The following ARIH1 variants were observed in gnomAD, a reference collection of about 807,000 sequenced individuals.
The protein encoded by ARIH1 is ariadne RBR E3 ubiquitin protein ligase 1, also known as E3 ubiquitin-protein ligase ARIH1.
In ARIH1, 8 loss-of-function variants were observed where a neutral mutation model predicts 85.0. The ratio of observed to expected loss-of-function variants is 0.09; its 90% CI spans 0.06 to 0.17. ARIH1 has a LOEUF of 0.17. Ranked by LOEUF, ARIH1 falls within the 10% of genes least tolerant of loss-of-function variation. ARIH1 has a pLI of 1.00. For missense variants in ARIH1, 311 were observed against 718.1 expected (o/e 0.43, Z 6.48); for synonymous variants, 238 against 253.6 (o/e 0.94, Z 0.59).
At chr15:72,532,298 C>G (rs952763535) in intron 2 of ARIH1, among the ~76,000 whole-genome samples, 1 of 151,198 alleles carries the variant, frequency 6.6e-6, no homozygotes, top group African/African-American at 2.4e-5. Context: ...AAAAAAAACT[C>G]TTAAAATTAT....
At chr15:72,515,331 C>T (rs761115508) in intron 1 of ARIH1, among the ~76,000 whole-genome samples, 1 of 151,932 alleles carries the variant, frequency 6.6e-6, no homozygotes, top group South Asian at 2.1e-4. Flanking sequence ...AGTGGAACTA[C>T]GTCTCGAAAA....
intron 1 of ARIH1, among the ~76,000 whole-genome samples, chr15:72,500,260 A>C (rs1157702192): frequency 6.6e-6 from 1 of 151,982 alleles, no homozygotes; most frequent in Non-Finnish European, 1.5e-5. Flanking sequence ...ACGCCCAGCT[A>C]ATTTTTGTAT....
At chr15:72,534,959 C>CTTTTTTTTTTTTTTTTT (rs59841210) in intron 2 of ARIH1, among the ~76,000 whole-genome samples, 6,309 of 73,398 alleles carry the variant, frequency 0.086, 2,461 homozygotes, top group Non-Finnish European at 0.16. Context: ...TGTCTGTATT[C>CTTTTTTTTTTTTTTTTT]TTTTTTTTTT....
chr15:72,594,154 C>CT lies in ARIH1; in HGVS notation c.*10866dup. 1 of 149,892 alleles carries CT rather than the reference C, an allele frequency of 6.7e-6. No homozygotes were observed. The highest frequency in any genetic ancestry group is 2.4e-5 in the African/African-American group (1 of 40,928). The allele number at this position is 149,892 out of a possible 1,614,324, so 9.3% of individuals were successfully genotyped here. ...TGATTTTTAAAATATTTTTGATTTT[C>CT]TTTTCTTTTTCTTTTTTTCTTTTTT... On this transcript the variant is annotated 3_prime_UTR_variant, in exon 14 of 14. Transcript: ENST00000379887.
chr15:72,580,704 A>ATC (rs1300997507), intron 11 of ARIH1, 27 bp from the exon 12 acceptor site: 18 of 1,588,088 alleles, frequency 1.1e-5, no homozygotes, highest in Non-Finnish European at 1.5e-5. Context: ...TTATAATTAT[A>ATC]TCACCCAATT....
rs143996646 is a variant in ARIH1, at chr15:72,486,193, T to C, written c.375+11179T>C. Among the ~76,000 whole-genome samples the C allele has an allele frequency of 8.5e-5, 13 of 152,306 alleles. 1 individual carries two copies. The East Asian group carries it at 2.5e-3, about 29-fold the overall frequency. ...GGTTTCCCCTTATCTACAGTTTCAG[T>C]TTCCAAGGTTTCAGTTACCTGAGGT... On this transcript the variant is annotated intron_variant, in intron 1 of 13. Coordinates refer to ENST00000379887, the MANE Select transcript of ARIH1 (RefSeq NM_005744.5).
intron 1 of ARIH1, among the ~76,000 whole-genome samples, chr15:72,483,791 A>G (rs2063825747): frequency 8.9e-6 from 1 of 111,746 alleles, no homozygotes; most frequent in Admixed American, 1.2e-4. Flanking sequence ...GAGATTCTCC[A>G]GTTTACTGAT....
Position 72,567,181 on chromosome 15 carries a change from G to A in ARIH1, c.1026+4G>A, listed in dbSNP as rs1381114282. The A allele has an allele frequency of 1.2e-6, 2 of 1,606,310 alleles. No individual in the cohort carries two copies. Among genetic ancestry groups the A allele is most frequent in the South Asian group, 2.2e-5 (2 of 90,118 alleles). ...TTGGATTGCAGCCAACACAAAGGTT[G>A]GTGTTTTCCTTCAGTAACTCTTGGT... is the stretch of plus-strand genomic sequence containing the variant. On this transcript the variant is annotated splice_donor_region_variant and intron_variant, in intron 9 of 13. Coordinates refer to ENST00000379887, the MANE Select transcript of ARIH1 (RefSeq NM_005744.5).
chr15:72,509,529 C>T (rs919884103), intron 1 of ARIH1, among the ~76,000 whole-genome samples: 1 of 152,096 alleles, frequency 6.6e-6, no homozygotes, highest in African/African-American at 2.4e-5. Flanking sequence ...AACCCTCCCC[C>T]ACCTTTAATA....
intron 1 of ARIH1, among the ~76,000 whole-genome samples, chr15:72,515,192 A>T (rs1415113700): frequency 6.6e-6 from 1 of 150,602 alleles, no homozygotes; most frequent in Non-Finnish European, 1.5e-5. Context: ...AAAAAATTAG[A>T]CGGGCATGGT....
chr15:72,574,860 A>G (rs1294626272), intron 11 of ARIH1, among the ~76,000 whole-genome samples: 5 of 151,600 alleles, frequency 3.3e-5, no homozygotes, highest in African/African-American at 9.6e-5. Flanking sequence ...ACTTGAGGCC[A>G]GGAGTTCAAG....
At chr15:72,517,716 C>T (rs1421192299) in intron 1 of ARIH1, among the ~76,000 whole-genome samples, 1 of 152,060 alleles carries the variant, frequency 6.6e-6, no homozygotes, top group Non-Finnish European at 1.5e-5. Context: ...GAGCACCCTG[C>T]CTGGCTGAAA....
At chr15:72,577,557 G>A (rs1000491077) in intron 11 of ARIH1, among the ~76,000 whole-genome samples, 34 of 151,894 alleles carry the variant, frequency 2.2e-4, no homozygotes, top group African/African-American at 8.0e-4. Flanking sequence ...CCTGTAATCC[G>A]AGCTACTTGG....
intron 7 of ARIH1, among the ~76,000 whole-genome samples, chr15:72,564,496 G>C (rs2064210729): frequency 6.6e-6 from 1 of 152,172 alleles, no homozygotes; most frequent in South Asian, 2.1e-4. Context: ...TAACAATTCA[G>C]TTCATTCACA....
At chr15:72,480,903 A>G (rs1008257640) in intron 1 of ARIH1, among the ~76,000 whole-genome samples, 1 of 152,156 alleles carries the variant, frequency 6.6e-6, no homozygotes, top group Non-Finnish European at 1.5e-5. Flanking sequence ...AGGGAGTTGA[A>G]ATACTAGGTT....
At chr15:72,496,645 G>C (rs144821828) in intron 1 of ARIH1, 93 of 184,332 alleles carry the variant, frequency 5.0e-4, no homozygotes, top group Admixed American at 1.8e-3. Flanking sequence ...ACCAAGTTCA[G>C]GTATTTTACT....
chr15:72,475,512 G>C (rs1456538505), intron 1 of ARIH1, among the ~76,000 whole-genome samples: 1 of 152,202 alleles, frequency 6.6e-6, no homozygotes, highest in African/African-American at 2.4e-5. Flanking sequence ...ATAAAGAAAT[G>C]GATCTTGGCA....
chr15:72,521,074 G>A (rs935936717), intron 2 of ARIH1, among the ~76,000 whole-genome samples: 4 of 151,464 alleles, frequency 2.6e-5, no homozygotes, highest in Admixed American at 2.6e-4. Flanking sequence ...CAAACTCCTG[G>A]ACCCAAGCAA....
chr15:72,581,020 C>G (rs773600590), intron 12 of ARIH1, 29 bp downstream of exon 12: 9 of 1,598,760 alleles, frequency 5.6e-6, no homozygotes, highest in East Asian at 4.5e-5. Context: ...GAGGAAAAAG[C>G]CCACCTTGTA....
Sources: gnomAD v4.1 joint callset for allele counts (sites outside exome capture counted in the v4.1 genomes callset) on GRCh38, gnomAD v4.1.1 for gene constraint, MANE v1.5 for transcripts, NCBI Gene and HGNC (gene_info 2026-07-23, HGNC 2026-07-21) for gene names.